TMEM223: variants seen among roughly 807,000 people sequenced by gnomAD.
The protein encoded by TMEM223 is transmembrane protein 223.
A neutral mutation model predicts 14.1 loss-of-function variants in TMEM223; 14 were observed. The observed-to-expected ratio is 0.99, with a 90% CI of 0.66 to 1.55. TMEM223 has a LOEUF of 1.55. TMEM223 is among the 40% of genes most tolerant of loss of function. TMEM223 has a pLI of 0.00. For missense variants in TMEM223, 346 were observed against 269.9 expected, an observed-to-expected ratio of 1.28 and a Z score of -1.97; for synonymous variants, 145 against 120.5, an observed-to-expected ratio of 1.20 and a Z score of -1.33.
At chr11:62,772,101 A>C (rs768829869) in exon 3 of TMEM223, 12 of 456,270 alleles carry the variant, frequency 2.6e-5, no homozygotes, top group South Asian at 1.9e-4. Context: ...GAAGTCATGG[A>C]ACATTTAGCC....
intron 1 of TMEM223, among the ~76,000 whole-genome samples, chr11:62,780,712 G>A (rs931972706): frequency 6.9e-6 from 1 of 144,708 alleles, no homozygotes; most frequent in East Asian, 2.1e-4. Context: ...GGTGGATCAT[G>A]TGAGGCCGGG....
downstream of TMEM223, chr11:62,788,988 C>A: frequency 6.3e-7 from 1 of 1,586,198 alleles, no homozygotes; most frequent in Non-Finnish European, 8.6e-7. Flanking sequence ...GAGACATTAA[C>A]CTGAAATCTA....
At chr11:62,778,056 C>G in intron 1 of TMEM223, 1 of 1,614,094 alleles carries the variant, frequency 6.2e-7, no homozygotes, top group East Asian at 2.2e-5. Context: ...TCCTGAGGAT[C>G]GAGAGGTGAA....
downstream of TMEM223, chr11:62,786,023 TG>T: frequency 4.5e-6 from 2 of 443,904 alleles, no homozygotes; most frequent in Non-Finnish European, 8.2e-6. Flanking sequence ...CACAGGGCAG[TG>T]ATATTGGGTA....
chr11:62,790,176 T>A lies in TMEM223; in HGVS notation c.*447A>T. The A allele has an allele frequency of 1.9e-6, 2 of 1,034,516 alleles. No individual in the cohort carries two copies. The highest frequency in any genetic ancestry group is 1.7e-5 in the South Asian group (1 of 57,152). 64.1% of individuals were successfully genotyped at this position (1,034,516 alleles called of 1,614,324 possible). ...GTTGGGGGGTGGGGGGGAAACATAA[T>A]GACAGGCCCCCCTCCACCTCTTCCT... is the stretch of plus-strand genomic sequence containing the variant. On this transcript the variant is annotated 3_prime_UTR_variant, in exon 2 of 2. Coordinates refer to ENST00000307366, the MANE Select transcript of TMEM223 (RefSeq NM_001080501.3).
downstream of TMEM223, chr11:62,789,698 A>AG (rs1235286001): frequency 1.3e-5 from 20 of 1,531,526 alleles, no homozygotes; most frequent in Non-Finnish European, 1.8e-5. Flanking sequence ...CAAGGATAGG[A>AG]GGAAAAACTG....
downstream of TMEM223, chr11:62,771,285 A>G (rs2084144654): frequency 6.6e-6 from 1 of 152,336 alleles, no homozygotes; most frequent in Non-Finnish European, 1.5e-5. Flanking sequence ...CGGTCTCTAC[A>G]GTCTGTTCAC....
chr11:62,773,407 A>G (rs1240066793), intron 2 of TMEM223, among the ~76,000 whole-genome samples: 10 of 151,596 alleles, frequency 6.6e-5, no homozygotes, highest in Non-Finnish European at 1.5e-4. Flanking sequence ...TGGCTTCCCA[A>G]AGTGCTGGGA....
chr11:62,779,200 T>G (rs1186417984), intron 1 of TMEM223, among the ~76,000 whole-genome samples: 2 of 151,758 alleles, frequency 1.3e-5, no homozygotes, highest in African/African-American at 4.8e-5. Flanking sequence ...TTGTTTTGTT[T>G]TGTTTTGTTT....
chr11:62,787,455 C>T (rs1457779731), downstream of TMEM223: 8 of 1,570,610 alleles, frequency 5.1e-6, no homozygotes, highest in East Asian at 9.3e-5. Flanking sequence ...GGCTGCAGCG[C>T]GTCGAGCTTG....
At chr11:62,785,636 GT>G (rs1455005221), downstream of TMEM223, among the ~76,000 whole-genome samples, 1 of 151,664 alleles carries the variant, frequency 6.6e-6, no homozygotes, top group African/African-American at 2.4e-5. Context: ...CCGAGTTCAA[GT>G]GATTCTCCTG....
chr11:62,782,796 G>A (rs367911968), downstream of TMEM223: 21 of 1,613,800 alleles, frequency 1.3e-5, no homozygotes, highest in African/African-American at 2.7e-5. Context: ...CTATGGAGCC[G>A]TGGTGGGGCT....
chr11:62,783,734 T>C (rs1464362154), downstream of TMEM223, among the ~76,000 whole-genome samples: 1 of 151,636 alleles, frequency 6.6e-6, no homozygotes, highest in Admixed American at 6.6e-5. Flanking sequence ...AGTTTCATCA[T>C]GTTAGCCAGG....
intron 1 of TMEM223, chr11:62,775,540 C>G: frequency 4.2e-6 from 2 of 477,574 alleles, no homozygotes; most frequent in South Asian, 5.8e-5. Flanking sequence ...GGAATGGGAC[C>G]TAGTTCTGTG....
intron 1 of TMEM223, among the ~76,000 whole-genome samples, chr11:62,776,162 C>T (rs1033080618): frequency 3.3e-5 from 5 of 152,108 alleles, no homozygotes; most frequent in East Asian, 1.9e-4. Context: ...GCAGGCAGAG[C>T]GGGTAGATAC....
chr11:62,774,989 G>A (rs965950805), intron 1 of TMEM223, among the ~76,000 whole-genome samples: 2 of 151,582 alleles, frequency 1.3e-5, no homozygotes, highest in African/African-American at 2.4e-5. Context: ...ACTTGAACCC[G>A]GGAGGCGGAG....
intron 1 of TMEM223, chr11:62,778,185 G>A: frequency 1.2e-6 from 2 of 1,613,790 alleles, no homozygotes; most frequent in Non-Finnish European, 1.7e-6. Context: ...GAAGAGAAGT[G>A]GTGATGGGCT....
intron 1 of TMEM223, chr11:62,778,206 A>G: frequency 6.2e-7 from 1 of 1,613,576 alleles, no homozygotes; most frequent in African/African-American, 1.3e-5. Flanking sequence ...GGCTGGTGGA[A>G]GAGGCAGAAC....
chr11:62,787,477 G>A (rs760534553), downstream of TMEM223: 7 of 1,577,768 alleles, frequency 4.4e-6, no homozygotes, highest in Non-Finnish European at 6.0e-6. Flanking sequence ...GCTCTTTGCT[G>A]CCGCCTTCCT....
Sources: allele counts gnomAD v4.1 joint callset (sites outside exome capture counted in the v4.1 genomes callset), GRCh38; gene constraint gnomAD v4.1.1; transcripts MANE v1.5; gene names NCBI Gene and HGNC (gene_info 2026-07-23, HGNC 2026-07-21).